Variants in FXN observed in about 807,000 individuals in gnomAD.
The protein encoded by FXN is frataxin, also known as frataxin, mitochondrial.
Under a neutral mutation model 22.4 loss-of-function variants are expected in FXN, and 14 were observed. That is an observed-to-expected ratio of 0.62 (90% CI 0.41 to 0.98). The LOEUF (loss-of-function observed/expected upper bound fraction) is 0.98. FXN is among the 50% of genes least tolerant of loss of function. The probability of loss-of-function intolerance (pLI) is 0.00; values close to 1 mark genes in which losing one functional copy is unlikely to be tolerated. For missense variants in FXN, 267 were observed against 268.4 expected (o/e 0.99, Z 0.04); for synonymous variants, 120 against 114.1 (o/e 1.05, Z -0.33).
At chr9:69,040,470 C>A (rs1831637242) in intron 1 of FXN, among the ~76,000 whole-genome samples, 1 of 152,072 alleles carries the variant, frequency 6.6e-6, no homozygotes, top group African/African-American at 2.4e-5. Flanking sequence ...AGATGGAGAC[C>A]ATCCTGGCTA....
intron 1 of FXN, among the ~76,000 whole-genome samples, chr9:69,045,612 C>CA (rs1239294302): frequency 0.015 from 2,294 of 148,036 alleles, 54 homozygotes; most frequent in African/African-American, 0.052. Context: ...AAACAAAAAC[C>CA]AAAAAAAAAA....
chr9:69,050,121 T>G (rs1240929165), intron 2 of FXN, among the ~76,000 whole-genome samples: 1 of 152,238 alleles, frequency 6.6e-6, no homozygotes, highest in Non-Finnish European at 1.5e-5. Flanking sequence ...GTTGTTTTAC[T>G]TTATATAAAC....
intron 3 of FXN, among the ~76,000 whole-genome samples, chr9:69,063,216 C>G (rs1042272879): frequency 3.3e-5 from 5 of 152,120 alleles, no homozygotes; most frequent in African/African-American, 2.4e-5. Context: ...CAAACAAAAA[C>G]TGGCAGCTGA....
chr9:69,066,521 G>T (rs1041142101), intron 4 of FXN, among the ~76,000 whole-genome samples: 4 of 152,084 alleles, frequency 2.6e-5, no homozygotes, highest in Non-Finnish European at 5.9e-5. Context: ...TGTGCTGGAG[G>T]TTGGAGGATT....
At chr9:69,067,611 AAACAAC>A (rs201044395) in intron 4 of FXN, among the ~76,000 whole-genome samples, 5 of 152,128 alleles carry the variant, frequency 3.3e-5, no homozygotes, top group Non-Finnish European at 5.9e-5. Flanking sequence ...CAAAGCCTCA[AAACAAC>A]AACAACAACA....
Position 69,076,619 on chromosome 9 carries a change from T to C in FXN, c.*3857T>C. On this transcript the variant is annotated 3_prime_UTR_variant, in exon 5 of 5. Transcript: ENST00000484259. ...TATACCTGCCCCAAATTCTGACAGA[T>C]GCTTTTGCCACCTCTAAAGGAAGAC... The C allele has an allele frequency of 3.0e-6, 3 of 985,468 alleles. No homozygotes were observed. In the African/African-American group the frequency reaches 5.2e-5, roughly 17 times the overall value. 61.0% of individuals were successfully genotyped at this position (985,468 alleles called of 1,614,324 possible). A position where few individuals can be genotyped will look rare whatever the true frequency, so the allele number is the denominator to read the frequency against.
intron 2 of FXN, among the ~76,000 whole-genome samples, chr9:69,049,352 A>T (rs1274521488): frequency 6.6e-6 from 1 of 151,970 alleles, no homozygotes; most frequent in Non-Finnish European, 1.5e-5. Flanking sequence ...AACACACCCT[A>T]TCAGGCCAAC....
chr9:69,043,989 C>T (rs889443158), intron 1 of FXN, among the ~76,000 whole-genome samples: 3 of 152,190 alleles, frequency 2.0e-5, no homozygotes, highest in South Asian at 2.1e-4. Flanking sequence ...TCCCAAAGTG[C>T]GGGGATTACA....
At chr9:69,063,783 A>T (rs1362633581) in intron 3 of FXN, among the ~76,000 whole-genome samples, 1 of 152,164 alleles carries the variant, frequency 6.6e-6, no homozygotes. Context: ...TCCTGGGCTC[A>T]GGTGATCCTC....
intron 1 of FXN, 151 bp downstream of exon 1, chr9:69,036,098 A>G (rs1313593642): frequency 8.3e-5 from 50 of 601,734 alleles, no homozygotes; most frequent in Non-Finnish European, 1.1e-4. Context: ...GCCCGGCGGA[A>G]GCGGCCTTGC....
In FXN at chr9:69,038,376, T is replaced by C. The variant is rs575039754; in HGVS notation, c.165+2429T>C. ...CCTTTTCTCCACCCCTTGCATCTACTTCTAAAGCAGCTGTTCAACAGAAAC... is the reference window on the plus strand; with the variant it reads ...CCTTTTCTCCACCCCTTGCATCTACCTCTAAAGCAGCTGTTCAACAGAAAC... On this transcript the variant is annotated intron_variant, in intron 1 of 4. Transcript: ENST00000484259. Among the ~76,000 whole-genome samples, 10 of 152,286 alleles carry C rather than the reference T, an allele frequency of 6.6e-5. No homozygotes were observed. The East Asian group carries it at 1.7e-3, about 26-fold the overall frequency.
chr9:69,052,692 G>A (rs1316768923), intron 2 of FXN, among the ~76,000 whole-genome samples: 9 of 151,762 alleles, frequency 5.9e-5, no homozygotes, highest in Admixed American at 5.2e-4. Context: ...ACAGGCACCC[G>A]TCACCACGCC....
chr9:69,035,955 T>C lies in FXN; in HGVS notation c.165+8T>C. On this transcript the variant is annotated splice_region_variant and intron_variant, in intron 1 of 4. Coordinates refer to ENST00000484259, the MANE Select transcript of FXN (RefSeq NM_000144.5). ...TGCACGCCCCGCCGCGCAGTAAGTA[T>C]CCGCGCCGGGAACAGCCGCGGGCCG... The C allele has an allele frequency of 2.1e-6, 3 of 1,454,604 alleles. No homozygotes were observed. Among genetic ancestry groups the C allele is most frequent in the Non-Finnish European group, 1.8e-6 (2 of 1,107,680 alleles). 90.1% of individuals were successfully genotyped at this position (1,454,604 alleles called of 1,614,324 possible).
intron 4 of FXN, among the ~76,000 whole-genome samples, chr9:69,066,678 C>T (rs1832171052): frequency 6.6e-6 from 1 of 152,040 alleles, no homozygotes; most frequent in African/African-American, 2.4e-5. Context: ...GGATCAGTGG[C>T]TTTGTAGATA....
chr9:69,063,706 G>A (rs534622561), intron 3 of FXN, among the ~76,000 whole-genome samples: 1 of 145,354 alleles, frequency 6.9e-6, no homozygotes, highest in Non-Finnish European at 1.5e-5. Context: ...CTTTGCTTTT[G>A]AGACAGGATC....
chr9:69,056,947 G>A (rs1189647786), intron 3 of FXN, among the ~76,000 whole-genome samples: 1 of 151,182 alleles, frequency 6.6e-6, no homozygotes, highest in Admixed American at 6.6e-5. Flanking sequence ...GTTTTGCCAT[G>A]TTGTCAGGCT....
intron 1 of FXN, among the ~76,000 whole-genome samples, chr9:69,039,847 G>C (rs1264718678): frequency 6.6e-6 from 1 of 152,214 alleles, no homozygotes; most frequent in African/African-American, 2.4e-5. Flanking sequence ...TGGAGGCTGA[G>C]AAGTCCAAAG....
intron 3 of FXN, among the ~76,000 whole-genome samples, chr9:69,060,210 A>C (rs1433750497): frequency 1.3e-5 from 2 of 152,096 alleles, no homozygotes; most frequent in Non-Finnish European, 2.9e-5. Context: ...CTACTAAAAA[A>C]ATACAAAAAA....
rs201898657 is a variant in FXN, at chr9:69,047,073, T to C, written c.263+591T>C. On this transcript the variant is annotated intron_variant, in intron 2 of 4. Coordinates refer to ENST00000484259, the MANE Select transcript of FXN (RefSeq NM_000144.5). ...TGACTGTAAGGGAGGCTGGGAAATA[T>C]AGTCTAGCGAGTGCCCTGGAAAAAG... Among the ~76,000 whole-genome samples, 3 of 152,114 alleles carry C rather than the reference T, an allele frequency of 2.0e-5. No homozygotes were observed. In the East Asian group the frequency reaches 5.8e-4, roughly 29 times the overall value.
Sources: allele counts gnomAD v4.1 joint callset (sites outside exome capture counted in the v4.1 genomes callset), GRCh38; gene constraint gnomAD v4.1.1; transcripts MANE v1.5; gene names NCBI Gene and HGNC (gene_info 2026-07-23, HGNC 2026-07-21).